MVP: variants seen among roughly 807,000 people sequenced by gnomAD.
MVP encodes the protein lung resistance-related protein.
A neutral mutation model predicts 83.5 loss-of-function variants in MVP; 62 were observed. That is an observed-to-expected ratio of 0.74 (90% CI 0.61 to 0.92). The LOEUF (loss-of-function observed/expected upper bound fraction) is 0.92. Ranked by LOEUF, MVP falls within the 40% of genes least tolerant of loss-of-function variation. The probability of loss-of-function intolerance (pLI) is 0.00; values close to 1 mark genes in which losing one functional copy is unlikely to be tolerated. For synonymous variants in MVP, 505 were observed against 504.1 expected (o/e 1.00, Z -0.02); for missense variants, 1,000 against 1,203.4 (o/e 0.83, Z 2.50).
chr16:29,843,558 G>GAGGAAGGGAGGA (rs2067554007), intron 10 of MVP, among the ~76,000 whole-genome samples: 3 of 66,628 alleles, frequency 4.5e-5, no homozygotes, highest in African/African-American at 1.7e-4. Context: ...GGGAGGGAGG[G>GAGGAAGGGAGGA]AGGGAGGGAG....
chr16:29,822,330 A>G (rs2067368911), intron 1 of MVP, among the ~76,000 whole-genome samples: 1 of 152,054 alleles, frequency 6.6e-6, no homozygotes, highest in Non-Finnish European at 1.5e-5. Flanking sequence ...TTAAAAAAAA[A>G]AAAAGTAATT....
chr16:29,822,582 A>ACCTTAC (rs2067371406), intron 1 of MVP: 2 of 152,070 alleles, frequency 1.3e-5, no homozygotes, highest in South Asian at 4.1e-4. Flanking sequence ...CGCATCACCG[A>ACCTTAC]CCTTACGTCC....
rs1567390465 is a variant in MVP at position 29,833,768 on chromosome 16, T to G, written c.357T>G (p.Thr119=). The G allele has an allele frequency of 6.2e-7, 1 of 1,614,082 alleles. No homozygotes were observed. The highest frequency in any genetic ancestry group is 8.5e-7 in the Non-Finnish European group (1 of 1,180,020). The change falls in exon 4 of 15, where the codon ACT becomes ACG. Residue 119 remains threonine (T), a synonymous_variant. Transcript: ENST00000357402. The stretch of plus-strand genomic sequence containing the variant: ...CCCTGCAGGTGGTTCTGCCCAACAC[T>G]GCCCTCCATCTAAAGGCGCTGCTTG... ...ITPLQVVLPN[T]ALHLKALLDF... is the part of the protein sequence containing the mutation.
At chr16:29,827,264 G>A (rs1414611432) in intron 1 of MVP, among the ~76,000 whole-genome samples, 1 of 152,214 alleles carries the variant, frequency 6.6e-6, no homozygotes, top group Non-Finnish European at 1.5e-5. Flanking sequence ...AAAGTTGCAA[G>A]ATGAAAGAAT....
In MVP at chr16:29,845,978, A is replaced by T; in HGVS notation, c.2137A>T (p.Ser713Cys). ...GGAACTTTTGGAGCTGGAGGCTCTG[A>T]GGTGGGTTGAGAACTAGAGGAGGAG... ...RKELLELEAL[S>C]MAVESTGTAK... is the part of the protein sequence containing the mutation. Residue 713 changes from serine to cysteine, a missense_variant and splice_region_variant, in exon 12 of 15, where the codon AGC becomes TGC. Physicochemically the swap from Ser to Cys is moderately radical, Grantham distance 112. Coordinates refer to ENST00000357402, the MANE Select transcript of MVP (RefSeq NM_005115.5). 2 of 1,614,186 alleles carry T rather than the reference A, an allele frequency of 1.2e-6. No homozygotes were observed. The highest frequency in any genetic ancestry group is 1.7e-6 in the Non-Finnish European group (2 of 1,180,004).
chr16:29,846,323 G>C, intron 13 of MVP, 39 bp downstream of exon 13: 1 of 1,532,404 alleles, frequency 6.5e-7, no homozygotes. Flanking sequence ...GTGGCCTTGA[G>C]TCCTGGAAAA....
chr16:29,835,733 G>T lies in MVP; in HGVS notation c.607G>T (p.Ala203Ser). The change falls in exon 6 of 15, where the codon GCG (alanine) becomes TCG (serine). Residue 203 changes from alanine (A) to serine (S), a missense_variant. Physicochemically the swap from Ala to Ser is moderately conservative, Grantham distance 99. Coordinates refer to ENST00000357402, the MANE Select transcript of MVP (RefSeq NM_005115.5). ...GEEWLVTTVG[A>S]YLPAVFEEVL... ...AGAATGGCTGGTCACCACAGTAGGG[G>T]CGTACCTCCCAGCGGTGTTTGAGGA... 1.9e-6 allele frequency: 3 copies of T among 1,613,898 alleles called. No individual in the cohort carries two copies. Among genetic ancestry groups the T allele is most frequent in the Non-Finnish European group, 2.5e-6 (3 of 1,179,962 alleles).
intron 10 of MVP, among the ~76,000 whole-genome samples, chr16:29,843,733 A>T (rs2067557390): frequency 6.6e-6 from 1 of 152,034 alleles, no homozygotes; most frequent in Non-Finnish European, 1.5e-5. Context: ...CTAAAAATAC[A>T]AAAATTAGCC....
chr16:29,841,773 G>A lies in MVP; in HGVS notation c.1369G>A (p.Val457Met). The A allele has an allele frequency of 6.2e-7, 1 of 1,613,644 alleles. No individual in the cohort carries two copies. The highest frequency in any genetic ancestry group is 8.5e-7 in the Non-Finnish European group (1 of 1,179,988). Residue 457 changes from valine to methionine, a missense_variant, in exon 9 of 15, where the codon GTG becomes ATG. By Grantham distance (21) the Val-to-Met change is conservative (BLOSUM62 1). Coordinates refer to ENST00000357402, the MANE Select transcript of MVP (RefSeq NM_005115.5). The surrounding 1 kb of genome is among the most constrained non-coding windows in gnomAD (Gnocchi z 4.7). ...QPLAPRNKTR[V>M]VSYRVPHNAA... ...CTTGGCGCCCCGGAACAAGACCCGT[G>A]TGGTCAGCTACCGCGTGCCCCACAA...
intron 3 of MVP, chr16:29,831,700 G>A (rs1387487367): frequency 4.4e-6 from 2 of 456,132 alleles, no homozygotes; most frequent in South Asian, 3.1e-5. Flanking sequence ...CATGTGCCAA[G>A]GTTAAGCAGT....
In MVP at chr16:29,830,875, C is replaced by A. The variant is rs2067436189; in HGVS notation, c.126-3C>A. The A allele has an allele frequency of 6.2e-7, 1 of 1,608,526 alleles. No individual in the cohort carries two copies. The highest frequency in any genetic ancestry group is 8.5e-7 in the Non-Finnish European group (1 of 1,175,762). On this transcript the variant is annotated splice_region_variant and splice_polypyrimidine_tract_variant and intron_variant, in intron 2 of 14. Transcript: ENST00000357402. ...CCTCACACCTCTTCTCATCTTCCTG[C>A]AGGGTACTGTTTGCCCCCATGCGCA...
At position 29,841,786 on chromosome 16, in the gene MVP, G is replaced by T. The variant is rs763155766; in HGVS notation, c.1382G>T (p.Arg461Leu). 1 of 1,613,382 alleles carries T rather than the reference G, an allele frequency of 6.2e-7. No homozygotes were observed. Among genetic ancestry groups the T allele is most frequent in the African/African-American group, 1.3e-5 (1 of 75,036 alleles). ...PRNKTRVVSY[R>L]VPHNAAVQVY... Reference sequence around the variant, plus strand: ...AACAAGACCCGTGTGGTCAGCTACCGCGTGCCCCACAACGCTGCGGTGCAG... The same window carrying T: ...AACAAGACCCGTGTGGTCAGCTACCTCGTGCCCCACAACGCTGCGGTGCAG... Residue 461 changes from arginine to leucine, a missense_variant, in exon 9 of 15, where the codon CGC becomes CTC. By Grantham distance (102) the Arg-to-Leu change is moderately radical. Transcript: ENST00000357402. This position sits in a 1 kb window ranked among gnomAD's most constrained non-coding sequence, Gnocchi z 4.7.
rs1463070204 is a variant in MVP at position 29,844,764 on chromosome 16, A to T, written c.1906A>T (p.Ser636Cys). The change falls in exon 11 of 15, where the codon AGC (serine) becomes TGC (cysteine). Residue 636 changes from serine to cysteine, a missense_variant. Transcript: ENST00000357402. ...AVFPQNGLVV[S>C]SVDVQSVEPV... ...CTTCCCCCAAAACGGGCTGGTGGTCAGCAGTGTGGACGTGCAGTCAGTGGA... is the reference window on the plus strand; with the variant it reads ...CTTCCCCCAAAACGGGCTGGTGGTCTGCAGTGTGGACGTGCAGTCAGTGGA... 1 of 1,611,630 alleles carries T rather than the reference A, an allele frequency of 6.2e-7. No individual in the cohort carries two copies. Among genetic ancestry groups the T allele is most frequent in the African/African-American group, 1.3e-5 (1 of 74,944 alleles).
At chr16:29,845,014 C>G (rs1037602552) in intron 11 of MVP, 135 bp downstream of exon 11, 1 of 1,223,272 alleles carries the variant, frequency 8.2e-7, no homozygotes, top group African/African-American at 1.5e-5. Flanking sequence ...CCCAACAGAT[C>G]AGGTGACCCA....
At chr16:29,835,665 T>TG (rs1009784759) in intron 5 of MVP, 39 bp from the exon 6 acceptor site, 18 of 1,570,554 alleles carry the variant, frequency 1.1e-5, no homozygotes, top group Non-Finnish European at 1.6e-5. Flanking sequence ...GGGAGCAGGC[T>TG]GGGGGGCCCT....
In MVP at chr16:29,847,935, T is replaced by G. The variant is rs951481726; in HGVS notation, c.2628T>G (p.Ser876=). The change falls in exon 15 of 15, where the codon TCT becomes TCG. Residue 876 remains serine (S), a synonymous_variant. Coordinates refer to ENST00000357402, the MANE Select transcript of MVP (RefSeq NM_005115.5). ...PSPGEGISPQ[S]AQAPQAPGDN... The stretch of plus-strand genomic sequence containing the variant: ...CTGGGGAGGGGATATCCCCCCAGTC[T>G]GCTCAGGCCCCTCAAGCTCCTGGAG... 115 of 1,612,320 alleles carry G rather than the reference T, an allele frequency of 7.1e-5. No individual in the cohort carries two copies. Among genetic ancestry groups the G allele is most frequent in the Non-Finnish European group, 9.5e-5 (112 of 1,179,516 alleles).
At chr16:29,820,409 C>T (rs1254163425), upstream of MVP, 2 of 152,222 alleles carry the variant, frequency 1.3e-5, no homozygotes, top group Non-Finnish European at 2.9e-5. Flanking sequence ...CCAAGCCCCA[C>T]CCCTGGGCTT....
rs767753152 is a variant in MVP at position 29,830,698 on chromosome 16, G to A, written c.125+24G>A. 5.4e-5 allele frequency: 87 copies of A among 1,611,168 alleles called. 2 individuals are homozygous for A. In the South Asian group the frequency reaches 7.3e-4, roughly 13 times the overall value. The stretch of plus-strand genomic sequence containing the variant: ...AGGTGGGTGTGGGGGCTGGGCTGTG[G>A]GGGATCCTTGGGGATGTGGGGGCCT... On this transcript the variant is annotated intron_variant, in intron 2 of 14. Transcript: ENST00000357402.
rs751680111 is a variant in MVP at position 29,847,181 on chromosome 16, A to AT, written c.2266-11dup. ...TGGGTCAAAAAATAAAGAATGATTG[A>AT]TTTTTCCTCTTCCAGGAGGCTGAGC... On this transcript the variant is annotated splice_polypyrimidine_tract_variant and intron_variant, in intron 13 of 14. Coordinates refer to ENST00000357402, the MANE Select transcript of MVP (RefSeq NM_005115.5). The AT allele has an allele frequency of 1.2e-5, 20 of 1,610,644 alleles. No individual in the cohort carries two copies. Among genetic ancestry groups the AT allele is most frequent in the Non-Finnish European group, 1.7e-5 (20 of 1,179,726 alleles).
Sources: allele counts gnomAD v4.1 joint callset (sites outside exome capture counted in the v4.1 genomes callset), GRCh38; gene constraint gnomAD v4.1.1; non-coding constraint Gnocchi (gnomAD v3.1); transcripts MANE v1.5; gene names NCBI Gene and HGNC (gene_info 2026-07-23, HGNC 2026-07-21).